SUGCT: variants seen among roughly 807,000 people sequenced by gnomAD.
SUGCT encodes the protein succinyl-CoA:glutarate CoA-transferase.
A neutral mutation model predicts 55.0 loss-of-function variants in SUGCT; 41 were observed. The ratio of observed to expected loss-of-function variants is 0.74; its 90% CI spans 0.58 to 0.97. SUGCT has a LOEUF of 0.97. Ranked by LOEUF, SUGCT falls within the 50% of genes least tolerant of loss-of-function variation. The probability of loss-of-function intolerance (pLI) is 0.00; values close to 1 mark genes in which losing one functional copy is unlikely to be tolerated. For synonymous variants in SUGCT, 187 were observed against 200.4 expected (o/e 0.93, Z 0.56); for missense variants, 568 against 547.8 (o/e 1.04, Z -0.37).
At chr7:40,854,754 T>C (rs1342508359) in intron 13 of SUGCT, among the ~76,000 whole-genome samples, 2 of 151,874 alleles carry the variant, frequency 1.3e-5, no homozygotes, top group East Asian at 3.9e-4. Context: ...CTGGGCAACA[T>C]AGCCAGTCCC....
At chr7:40,759,470 A>G (rs1788427462) in intron 13 of SUGCT, among the ~76,000 whole-genome samples, 3 of 152,200 alleles carry the variant, frequency 2.0e-5, no homozygotes, top group South Asian at 2.1e-4. Context: ...CCATATTACT[A>G]TGTCCATTTT....
intron 8 of SUGCT, among the ~76,000 whole-genome samples, chr7:40,314,920 T>G (rs971135216): frequency 1.3e-5 from 2 of 152,212 alleles, no homozygotes; most frequent in African/African-American, 4.8e-5. Flanking sequence ...CCGAAGTGTA[T>G]ACCACATTTG....
chr7:40,641,974 T>C (rs1316038545), intron 12 of SUGCT, among the ~76,000 whole-genome samples: 4 of 152,216 alleles, frequency 2.6e-5, no homozygotes, highest in African/African-American at 9.6e-5. Flanking sequence ...TGTAACCCAA[T>C]TTCCAGTCTG....
intron 13 of SUGCT, among the ~76,000 whole-genome samples, chr7:40,818,604 A>G (rs373187276): frequency 6.6e-6 from 1 of 152,208 alleles, no homozygotes; most frequent in East Asian, 1.9e-4. Flanking sequence ...AGTATCTTCA[A>G]CACTGGAGAT....
chr7:40,625,332 TG>T (rs1214293521), intron 12 of SUGCT, among the ~76,000 whole-genome samples: 1 of 151,952 alleles, frequency 6.6e-6, no homozygotes. Flanking sequence ...GGGCAGTAGG[TG>T]AAGGTTTATA....
intron 1 of SUGCT, among the ~76,000 whole-genome samples, chr7:40,169,476 GC>G (rs1175549523): frequency 6.6e-6 from 1 of 152,150 alleles, no homozygotes; most frequent in African/African-American, 2.4e-5. Flanking sequence ...CTTGCCCTGG[GC>G]ACCCTCAGTC....
At chr7:40,698,609 T>G (rs1384935838) in intron 12 of SUGCT, among the ~76,000 whole-genome samples, 1 of 152,242 alleles carries the variant, frequency 6.6e-6, no homozygotes, top group Non-Finnish European at 1.5e-5. Flanking sequence ...TGAAATAGCT[T>G]ACTTTTTTCT....
rs149814646 is a variant in SUGCT at position 40,146,598 on chromosome 7, A to C, written c.100+11478A>C. Among the ~76,000 whole-genome samples, 84 of 152,384 alleles carry C rather than the reference A, an allele frequency of 5.5e-4. 1 individual carries two copies. The highest frequency in any genetic ancestry group is 1.9e-3 in the African/African-American group (80 of 41,596). On this transcript the variant is annotated intron_variant, in intron 1 of 13. Coordinates refer to ENST00000335693, the MANE Select transcript of SUGCT (RefSeq NM_001193313.2). ...GCTCTGGCTAGTTATCTGCAGCATG[A>C]ACATGTCCTTAAGGCACAGATCGCT...
chr7:41,009,584 CCTTT>C, the SUGCT span, among the ~76,000 whole-genome samples: 1 of 151,672 alleles, frequency 6.6e-6, no homozygotes. Flanking sequence ...CACCATCCAT[CCTTT>C]CTTCCATCTA....
At chr7:40,407,179 C>A (rs1786417038) in intron 9 of SUGCT, among the ~76,000 whole-genome samples, 1 of 152,022 alleles carries the variant, frequency 6.6e-6, no homozygotes, top group Non-Finnish European at 1.5e-5. Context: ...TGCAATTCAC[C>A]TTATTGTCAT....
At chr7:40,609,982 C>G (rs1194929028) in intron 12 of SUGCT, among the ~76,000 whole-genome samples, 8 of 152,160 alleles carry the variant, frequency 5.3e-5, no homozygotes, top group African/African-American at 1.9e-4. Context: ...TTATTGAGCT[C>G]TTGGTATTAT....
chr7:40,578,084 T>C (rs1405679140), intron 12 of SUGCT, among the ~76,000 whole-genome samples: 1 of 152,184 alleles, frequency 6.6e-6, no homozygotes, highest in Non-Finnish European at 1.5e-5. Context: ...CAAACCTTAG[T>C]TTACATCAAA....
chr7:40,543,402 A>T (rs1794809889), intron 12 of SUGCT, among the ~76,000 whole-genome samples: 1 of 152,252 alleles, frequency 6.6e-6, no homozygotes, highest in African/African-American at 2.4e-5. Flanking sequence ...AGATCTTGAT[A>T]AAATAATTTA....
Position 40,261,582 on chromosome 7 carries a change from A to T in SUGCT, c.577-12931A>T, listed in dbSNP as rs967160270. On this transcript the variant is annotated intron_variant, in intron 7 of 13. Coordinates refer to ENST00000335693, the MANE Select transcript of SUGCT (RefSeq NM_001193313.2). ...GTAGTGCTTGCCTGGCGTGTAATAA[A>T]CACTCAGTAACTCTTCTCGGTCCTC... is the stretch of plus-strand genomic sequence containing the variant. Among the ~76,000 whole-genome samples the T allele has an allele frequency of 3.9e-5, 6 of 152,320 alleles. No homozygotes were observed. The East Asian group carries it at 1.2e-3, about 29-fold the overall frequency.
intron 13 of SUGCT, among the ~76,000 whole-genome samples, chr7:40,764,597 T>C (rs1012842503): frequency 6.6e-6 from 1 of 152,116 alleles, no homozygotes; most frequent in Non-Finnish European, 1.5e-5. Flanking sequence ...AATAAGTGAC[T>C]TAAACAATTA....
chr7:40,890,209 T>G, the SUGCT span, among the ~76,000 whole-genome samples: 21 of 145,196 alleles, frequency 1.4e-4, no homozygotes, highest in South Asian at 4.2e-3. Context: ...AATATTTATA[T>G]TATATATTTA....
intron 12 of SUGCT, among the ~76,000 whole-genome samples, chr7:40,519,090 C>T (rs182237961): frequency 3.4e-4 from 51 of 152,130 alleles, no homozygotes; most frequent in East Asian, 1.7e-3. Context: ...ACCACTTTTG[C>T]GATAGTATCT....
At chr7:41,002,648 A>G in the SUGCT span, among the ~76,000 whole-genome samples, 43,085 of 152,156 alleles carry the variant, frequency 0.28, 7,634 homozygotes, top group Admixed American at 0.45. Flanking sequence ...AGCAATGTTT[A>G]GCTGCACTGG....
rs70990650 is a variant in SUGCT at position 40,854,419 on chromosome 7, CCTTTCTTTCTTT to C, written c.1154-5850_1154-5839del. On this transcript the variant is annotated intron_variant, in intron 13 of 13. Coordinates refer to ENST00000335693, the MANE Select transcript of SUGCT (RefSeq NM_001193313.2). ...TTTTTCTTTCTTTCTTTCTTTCTTT[CCTTTCTTTCTTT>C]CTTTCTTTCTTTCTTTCTTTCTTTC... is the stretch of plus-strand genomic sequence containing the variant. 1.0e-2 allele frequency among the ~76,000 whole-genome samples: 885 copies of C among 88,802 alleles called. 4 individuals are homozygous for C. Among genetic ancestry groups the C allele is most frequent in the African/African-American group, 0.024 (504 of 21,396 alleles). 58.3% of individuals were successfully genotyped at this position (88,802 alleles called of 152,430 possible). A position where few individuals can be genotyped will look rare whatever the true frequency, so the allele number is the denominator to read the frequency against.
Sources: gnomAD v4.1 joint callset for allele counts (sites outside exome capture counted in the v4.1 genomes callset) on GRCh38, gnomAD v4.1.1 for gene constraint, MANE v1.5 for transcripts, NCBI Gene and HGNC (gene_info 2026-07-23, HGNC 2026-07-21) for gene names.